The following TACC1 variants were observed in gnomAD, a reference collection of about 807,000 sequenced individuals.
TACC1 encodes transforming acidic coiled-coil-containing protein 1.
In TACC1, 48 loss-of-function variants were observed where a neutral mutation model predicts 84.4. The ratio of observed to expected loss-of-function variants is 0.57; its 90% CI spans 0.45 to 0.72. The LOEUF is 0.72. Ranked by LOEUF, TACC1 falls within the 30% of genes least tolerant of loss-of-function variation. TACC1 has a pLI of 0.00. For missense variants in TACC1, 920 were observed against 973.0 expected, an observed-to-expected ratio of 0.95 and a Z score of 0.72; for synonymous variants, 372 against 376.3, an observed-to-expected ratio of 0.99 and a Z score of 0.13.
At chr8:38,828,576 C>T (rs1828609173) in intron 5 of TACC1, among the ~76,000 whole-genome samples, 1 of 152,156 alleles carries the variant, frequency 6.6e-6, no homozygotes, top group Admixed American at 6.5e-5. Flanking sequence ...TCCAATTCCT[C>T]TTGGTGTCTG....
Position 38,836,158 on chromosome 8 carries a change from A to G in TACC1, c.1714-4A>G. Reference sequence around the variant, plus strand: ...CAGATTCAGTGTAATCCCTTTCCCCACAGGGGCTGCTGGAGTCCTCTGCAG... The same window carrying G: ...CAGATTCAGTGTAATCCCTTTCCCCGCAGGGGCTGCTGGAGTCCTCTGCAG... On this transcript the variant is annotated splice_region_variant and splice_polypyrimidine_tract_variant and intron_variant, in intron 6 of 12. Transcript: ENST00000317827. 6.2e-7 allele frequency: 1 copy of G among 1,613,168 alleles called. No individual in the cohort carries two copies. Among genetic ancestry groups the G allele is most frequent in the Non-Finnish European group, 8.5e-7 (1 of 1,179,618 alleles).
intron 3 of TACC1, among the ~76,000 whole-genome samples, chr8:38,777,902 C>T (rs767319248): frequency 3.3e-5 from 5 of 152,148 alleles, no homozygotes; most frequent in Non-Finnish European, 7.4e-5. Context: ...GAGAAGGAAA[C>T]GTGGCCTCTT....
chr8:38,748,399 C>T (rs1808441043), intron 3 of TACC1, among the ~76,000 whole-genome samples: 1 of 152,064 alleles, frequency 6.6e-6, no homozygotes, highest in African/African-American at 2.4e-5. Context: ...GAGTAACCAA[C>T]AAAAAATCAG....
chr8:38,792,487 A>G (rs181916744), intron 2 of TACC1, among the ~76,000 whole-genome samples: 16 of 151,936 alleles, frequency 1.1e-4, no homozygotes, highest in Non-Finnish European at 1.6e-4. Context: ...GTTTTTTGAG[A>G]TAGAGTCTCG....
intron 3 of TACC1, among the ~76,000 whole-genome samples, chr8:38,781,484 C>A (rs574913739): frequency 4.6e-5 from 7 of 151,256 alleles, no homozygotes; most frequent in African/African-American, 7.3e-5. Flanking sequence ...TGGGTTCAAG[C>A]GATTCTCTTG....
chr8:38,770,681 C>T (rs1387392668), intron 3 of TACC1, among the ~76,000 whole-genome samples: 1 of 151,792 alleles, frequency 6.6e-6, no homozygotes, highest in South Asian at 2.1e-4. Context: ...TAAAGTGTGG[C>T]GGGCTGGAGA....
chr8:38,753,971 T>G (rs1253568473), intron 3 of TACC1, among the ~76,000 whole-genome samples: 12 of 150,738 alleles, frequency 8.0e-5, no homozygotes, highest in African/African-American at 2.4e-4. Flanking sequence ...TTTTTTTTTT[T>G]GAGGCAGAGT....
intron 3 of TACC1, among the ~76,000 whole-genome samples, chr8:38,778,114 T>C (rs1404549305): frequency 1.3e-5 from 2 of 152,136 alleles, no homozygotes; most frequent in African/African-American, 2.4e-5. Context: ...TATCTTTGTG[T>C]GTGTGCATGT....
chr8:38,836,082 G>A, intron 6 of TACC1, 80 bp from the exon 7 acceptor site: 5 of 1,573,506 alleles, frequency 3.2e-6, no homozygotes, highest in East Asian at 2.3e-5. Context: ...GATCAATTTA[G>A]TAATGAGGAA....
chr8:38,809,149 G>A (rs1004306771), intron 2 of TACC1, among the ~76,000 whole-genome samples: 5 of 152,146 alleles, frequency 3.3e-5, no homozygotes, highest in South Asian at 2.1e-4. Context: ...AGGGCCATGC[G>A]TTTTACAATG....
intron 3 of TACC1, among the ~76,000 whole-genome samples, chr8:38,755,211 C>T (rs1046973286): frequency 4.0e-5 from 6 of 149,996 alleles, no homozygotes; most frequent in Non-Finnish European, 8.9e-5. Flanking sequence ...CTCCATTATG[C>T]GTTTTCTGAT....
In TACC1 at chr8:38,846,759, T is replaced by C; in HGVS notation, c.2289T>C (p.His763=). The C allele has an allele frequency of 1.2e-6, 2 of 1,614,170 alleles. No homozygotes were observed. Among genetic ancestry groups the C allele is most frequent in the South Asian group, 1.1e-5 (1 of 91,088 alleles). Residue 763 remains histidine, a synonymous_variant, in exon 12 of 13, where the codon CAT becomes CAC. Coordinates refer to ENST00000317827, the MANE Select transcript of TACC1 (RefSeq NM_006283.3). ...CAAAGGCTGAGAGTGCAGCTCTCCA[T>C]GCTGGACTCCGCAAAGAGCAGATGA... ...TKAKAESAAL[H]AGLRKEQMKV...
intron 3 of TACC1, among the ~76,000 whole-genome samples, chr8:38,781,651 G>C (rs1420701323): frequency 2.0e-5 from 3 of 152,152 alleles, no homozygotes; most frequent in Non-Finnish European, 4.4e-5. Flanking sequence ...AAAGTGTTGG[G>C]ATTACTGATG....
At chr8:38,788,088 G>GC (rs1040337622) in intron 1 of TACC1, 17 of 256,782 alleles carry the variant, frequency 6.6e-5, no homozygotes, top group East Asian at 1.6e-4. Context: ...GCAACTTAGG[G>GC]CCCCCCCGTG....
Position 38,787,288 on chromosome 8 carries a change from G to T in TACC1, c.-295G>T. The T allele has an allele frequency of 9.6e-7, 1 of 1,036,446 alleles. No homozygotes were observed. Among genetic ancestry groups the T allele is most frequent in the Non-Finnish European group, 1.2e-6 (1 of 842,744 alleles). The allele number at this position is 1,036,446 out of a possible 1,614,324, so 64.2% of individuals were successfully genotyped here. ...CAGAGGTCTAGCAGCCGGGCGCCGC[G>T]GGCCGGGGGCCTGAGGAGGCCACAG... On this transcript the variant is annotated 5_prime_UTR_variant, in exon 1 of 13. Coordinates refer to ENST00000317827, the MANE Select transcript of TACC1 (RefSeq NM_006283.3).
chr8:38,755,959 C>T lies in TACC1; in HGVS notation c.26+10466C>T, dbSNP rs529383560. 1.1e-3 allele frequency among the ~76,000 whole-genome samples: 161 copies of T among 151,692 alleles called. 2 individuals are homozygous for T. The highest frequency in any genetic ancestry group is 3.6e-3 in the African/African-American group (149 of 41,374). On this transcript the variant is annotated intron_variant, in intron 3 of 14. Coordinates refer to the TACC1 transcript ENST00000518415. ...CCTCCTAAGTAGCTGGGATTACAGG[C>T]GTGTGCCACCATGCCCGGCTAATTT...
At chr8:38,788,091 C>T (rs908559) in intron 1 of TACC1, 4,167 of 252,436 alleles carry the variant, frequency 0.017, 155 homozygotes, top group African/African-American at 0.086. Flanking sequence ...ACTTAGGGCC[C>T]CCCCGTGGGG....
chr8:38,807,573 T>A (rs1823061529), intron 2 of TACC1, among the ~76,000 whole-genome samples: 1 of 152,232 alleles, frequency 6.6e-6, no homozygotes, highest in Admixed American at 6.5e-5. Context: ...ATCTGAAGTG[T>A]TAATGCACAT....
upstream of TACC1, among the ~76,000 whole-genome samples, chr8:38,786,296 C>T (rs1034621198): frequency 6.6e-6 from 1 of 152,360 alleles, no homozygotes; most frequent in East Asian, 1.9e-4. Context: ...AGAACATCAG[C>T]TATTTCCCAT....
Sources: gnomAD v4.1 joint callset for allele counts (sites outside exome capture counted in the v4.1 genomes callset) on GRCh38, gnomAD v4.1.1 for gene constraint, MANE v1.5 for transcripts, NCBI Gene and HGNC (gene_info 2026-07-23, HGNC 2026-07-21) for gene names.